LPAR6: variants seen among roughly 807,000 people sequenced by gnomAD.
The protein encoded by LPAR6 is G-protein coupled purinergic receptor P2Y5.
In LPAR6, 17 loss-of-function variants were observed where a neutral mutation model predicts 22.0. That is an observed-to-expected ratio of 0.77 (90% CI 0.53 to 1.16). The LOEUF (loss-of-function observed/expected upper bound fraction) is 1.16, where lower values mean the gene tolerates loss of function less well. LPAR6 is among the 50% of genes most tolerant of loss of function. LPAR6 has a pLI of 0.00. For synonymous variants in LPAR6, 136 were observed against 139.8 expected, an observed-to-expected ratio of 0.97 and a Z score of 0.19; for missense variants, 384 against 406.9, an observed-to-expected ratio of 0.94 and a Z score of 0.48.
chr13:48,392,274 C>G (rs541133917), intron 1 of LPAR6, among the ~76,000 whole-genome samples: 2 of 152,036 alleles, frequency 1.3e-5, no homozygotes, highest in African/African-American at 4.8e-5. Context: ...CCATGCCCGG[C>G]TAATTTTTGT....
exon 1 of LPAR6, chr13:48,426,884 T>A (rs1371801357): frequency 6.6e-6 from 1 of 152,322 alleles, no homozygotes; most frequent in Non-Finnish European, 1.5e-5. Flanking sequence ...ACAGGAAGCA[T>A]GGCATCAGCT....
At chr13:48,390,625 G>A (rs1470815664) in intron 1 of LPAR6, among the ~76,000 whole-genome samples, 6 of 152,092 alleles carry the variant, frequency 3.9e-5, no homozygotes, top group Non-Finnish European at 5.9e-5. Flanking sequence ...CTAATCTAAT[G>A]TCTAACATAT....
upstream of LPAR6, among the ~76,000 whole-genome samples, chr13:48,415,432 A>C (rs1314567052): frequency 6.6e-6 from 1 of 151,884 alleles, no homozygotes; most frequent in Non-Finnish European, 1.5e-5. Flanking sequence ...GGCACCCGCC[A>C]CCACACCCAG....
intron 1 of LPAR6, among the ~76,000 whole-genome samples, chr13:48,443,929 T>C (rs7990103): frequency 0.059 from 9,006 of 152,234 alleles, 597 homozygotes; most frequent in African/African-American, 0.16. Context: ...ACCATGTTTT[T>C]CTTCTGCTCT....
intron 1 of LPAR6, among the ~76,000 whole-genome samples, chr13:48,397,580 C>T (rs1007649520): frequency 4.6e-5 from 7 of 152,030 alleles, no homozygotes; most frequent in South Asian, 2.1e-4. Flanking sequence ...CACCATGGCA[C>T]GCGTATACCT....
downstream of LPAR6, chr13:48,408,598 GAA>G (rs1948760300): frequency 1.3e-5 from 2 of 152,022 alleles, no homozygotes; most frequent in Admixed American, 1.3e-4. Context: ...GAAGGGAAGA[GAA>G]AACCCTCAGA....
intron 1 of LPAR6, among the ~76,000 whole-genome samples, chr13:48,433,899 A>C (rs1020009464): frequency 7.2e-5 from 11 of 151,740 alleles, no homozygotes; most frequent in African/African-American, 2.7e-4. Context: ...ATACATATAT[A>C]CTTTTTTTCA....
intron 1 of LPAR6, among the ~76,000 whole-genome samples, chr13:48,438,434 A>C (rs752901419): frequency 1.3e-5 from 2 of 152,112 alleles, no homozygotes; most frequent in Non-Finnish European, 2.9e-5. Flanking sequence ...AATCTCTTCC[A>C]AGAAGTTTTC....
At chr13:48,429,896 A>C (rs1264540006), upstream of LPAR6, among the ~76,000 whole-genome samples, 1 of 152,218 alleles carries the variant, frequency 6.6e-6, no homozygotes, top group African/African-American at 2.4e-5. Context: ...AAAGACTACA[A>C]AACTTTAATA....
At chr13:48,398,837 T>C (rs1476381592) in intron 1 of LPAR6, among the ~76,000 whole-genome samples, 1 of 152,108 alleles carries the variant, frequency 6.6e-6, no homozygotes, top group Non-Finnish European at 1.5e-5. Flanking sequence ...ATAATATGTA[T>C]GTGTATTTTT....
chr13:48,392,274 C>T lies in LPAR6; in HGVS notation n.115-2462G>A, dbSNP rs541133917. On this transcript the variant is annotated intron_variant and non_coding_transcript_variant, in intron 1 of 1. Transcript: ENST00000462781. ...TAAAGGCACATGCCACCATGCCCGGCTAATTTTTGTATTTTTAGTAAAGAT... is the reference window on the plus strand; with the variant it reads ...TAAAGGCACATGCCACCATGCCCGGTTAATTTTTGTATTTTTAGTAAAGAT... Among the ~76,000 whole-genome samples the T allele has an allele frequency of 5.3e-5, 8 of 152,154 alleles. No individual in the cohort carries two copies. The East Asian group carries it at 1.6e-3, about 30-fold the overall frequency.
downstream of LPAR6, among the ~76,000 whole-genome samples, chr13:48,407,369 G>T (rs924934065): frequency 6.6e-6 from 1 of 152,156 alleles, no homozygotes; most frequent in African/African-American, 2.4e-5. Flanking sequence ...AGACAGGAAG[G>T]TAGGAGAGGC....
intron 1 of LPAR6, among the ~76,000 whole-genome samples, chr13:48,423,158 T>G (rs972083886): frequency 6.6e-6 from 1 of 152,174 alleles, no homozygotes; most frequent in African/African-American, 2.4e-5. Flanking sequence ...ATAAAAAGAA[T>G]GAAATATAGT....
chr13:48,424,896 T>C (rs891975238), intron 1 of LPAR6, among the ~76,000 whole-genome samples: 2 of 151,766 alleles, frequency 1.3e-5, no homozygotes, highest in South Asian at 4.2e-4. Context: ...CTACTAAAAA[T>C]ACAAAATGTT....
downstream of LPAR6, among the ~76,000 whole-genome samples, chr13:48,409,651 G>T (rs890397141): frequency 2.3e-5 from 3 of 131,974 alleles, no homozygotes; most frequent in South Asian, 7.3e-4. Flanking sequence ...CGAGATCTTG[G>T]CTCACTGCAA....
chr13:48,419,957 G>A (rs1948980043), intron 2 of LPAR6, among the ~76,000 whole-genome samples: 1 of 152,118 alleles, frequency 6.6e-6, no homozygotes, highest in Non-Finnish European at 1.5e-5. Flanking sequence ...TCTGCCAGAG[G>A]TACAAGGAGG....
chr13:48,436,637 C>T (rs1949187187), intron 1 of LPAR6, among the ~76,000 whole-genome samples: 1 of 143,278 alleles, frequency 7.0e-6, no homozygotes, highest in African/African-American at 2.5e-5. Context: ...GAGCAAGACT[C>T]TCTCTTAAAA....
chr13:48,415,999 C>T (rs1948901883), upstream of LPAR6, among the ~76,000 whole-genome samples: 1 of 152,156 alleles, frequency 6.6e-6, no homozygotes, highest in Non-Finnish European at 1.5e-5. Flanking sequence ...TTAATAGATA[C>T]TTTTGTATTT....
At position 48,411,550 on chromosome 13, in the gene LPAR6, A is replaced by G; in HGVS notation, c.874T>C (p.Tyr292His). 6.2e-7 allele frequency: 1 copy of G among 1,613,776 alleles called. No individual in the cohort carries two copies. Among genetic ancestry groups the G allele is most frequent in the Admixed American group, 1.7e-5 (1 of 60,010 alleles). Residue 292 changes from tyrosine to histidine, a missense_variant, in exon 1 of 1, where the codon TAC becomes CAC. Physicochemically the swap from Tyr to His is moderately conservative, Grantham distance 83 (BLOSUM62 2). Transcript: ENST00000620633. ...SNCCFDPIVYYFTSDTIQNSI... is the reference protein window; with the variant it reads ...SNCCFDPIVYHFTSDTIQNSI... ...TTCTGAATTGTGTCCGATGTAAAGT[A>G]GTAAACTATAGGGTCAAAACAACAG... is the stretch of plus-strand genomic sequence containing the variant.
Sources: gnomAD v4.1 joint callset for allele counts (sites outside exome capture counted in the v4.1 genomes callset) on GRCh38, gnomAD v4.1.1 for gene constraint, MANE v1.5 for transcripts, NCBI Gene and HGNC (gene_info 2026-07-23, HGNC 2026-07-21) for gene names.